Variants in PDGFD observed in about 807,000 individuals in gnomAD.
PDGFD encodes platelet derived growth factor D.
PDGFD carries 30 observed loss-of-function variants against 44.7 expected under a neutral mutation model. That is an observed-to-expected ratio of 0.67 (90% CI 0.50 to 0.91). PDGFD has a LOEUF of 0.91. Ranked by LOEUF, PDGFD falls within the 40% of genes least tolerant of loss-of-function variation. The pLI, the probability that PDGFD is intolerant of heterozygous loss-of-function variation, is 0.00. For missense variants in PDGFD, 445 were observed against 457.8 expected (o/e 0.97, Z 0.25); for synonymous variants, 173 against 168.4 (o/e 1.03, Z -0.21).
intron 1 of PDGFD, among the ~76,000 whole-genome samples, chr11:104,153,888 G>A (rs553772913): frequency 6.6e-6 from 1 of 152,154 alleles, no homozygotes; most frequent in Admixed American, 6.6e-5. Flanking sequence ...GAGAAGCAGT[G>A]AGAAAAGTGA....
intron 6 of PDGFD, among the ~76,000 whole-genome samples, chr11:103,913,060 T>C (rs1007877601): frequency 6.6e-6 from 1 of 152,032 alleles, no homozygotes; most frequent in African/African-American, 2.4e-5. Context: ...ATAGACACTT[T>C]AACACCCCAC....
intron 1 of PDGFD, among the ~76,000 whole-genome samples, chr11:104,126,785 T>C (rs1003034632): frequency 2.0e-5 from 3 of 152,008 alleles, no homozygotes; most frequent in African/African-American, 7.3e-5. Flanking sequence ...CTTTCCTATA[T>C]AGCAGCATAT....
At chr11:104,062,540 A>G (rs942920676) in intron 1 of PDGFD, among the ~76,000 whole-genome samples, 4 of 152,234 alleles carry the variant, frequency 2.6e-5, no homozygotes, top group African/African-American at 2.4e-5. Flanking sequence ...ATGGCAGCTC[A>G]ATACCTCAGA....
chr11:104,114,999 C>T (rs1188597122), intron 1 of PDGFD, among the ~76,000 whole-genome samples: 4 of 151,294 alleles, frequency 2.6e-5, no homozygotes, highest in Admixed American at 6.6e-5. Context: ...TCCCCTCACC[C>T]GAGCAGTATA....
intron 1 of PDGFD, among the ~76,000 whole-genome samples, chr11:104,086,111 A>T (rs1009711212): frequency 5.3e-5 from 8 of 152,156 alleles, no homozygotes; most frequent in Non-Finnish European, 1.2e-4. Context: ...GTGACAGCAA[A>T]AGAGGTCTCC....
chr11:103,917,238 C>A (rs953050514), intron 6 of PDGFD, among the ~76,000 whole-genome samples: 1 of 152,010 alleles, frequency 6.6e-6, no homozygotes, highest in African/African-American at 2.4e-5. Flanking sequence ...TATATTAATA[C>A]CTGTGTATCA....
chr11:104,071,039 C>A (rs1028263175), intron 1 of PDGFD, among the ~76,000 whole-genome samples: 1 of 151,950 alleles, frequency 6.6e-6, no homozygotes, highest in Non-Finnish European at 1.5e-5. Context: ...TCCCTCACTG[C>A]CTCACTAGGG....
At chr11:104,037,141 T>TCC in intron 1 of PDGFD, 1 of 1,613,816 alleles carries the variant, frequency 6.2e-7, no homozygotes, top group African/African-American at 1.3e-5. Context: ...GACGTCCAGC[T>TCC]CCCGTCCACA....
intron 1 of PDGFD, among the ~76,000 whole-genome samples, chr11:104,158,044 A>G (rs1046888258): frequency 6.6e-6 from 1 of 152,230 alleles, no homozygotes; most frequent in African/African-American, 2.4e-5. Flanking sequence ...CTTCAGCCTC[A>G]GTTCAGACAC....
chr11:104,056,518 C>T (rs923185822), intron 1 of PDGFD, among the ~76,000 whole-genome samples: 4 of 151,880 alleles, frequency 2.6e-5, no homozygotes, highest in Non-Finnish European at 2.9e-5. Flanking sequence ...AGAGACACAA[C>T]GGAGAAGGCC....
intron 1 of PDGFD, among the ~76,000 whole-genome samples, chr11:104,028,191 G>GAA (rs36060540): frequency 1.7e-5 from 2 of 116,150 alleles, no homozygotes; most frequent in South Asian, 2.7e-4. Flanking sequence ...CTCCGTCAAA[G>GAA]AAAAAAAAAA....
chr11:104,016,609 A>G lies in PDGFD; in HGVS notation c.125-16354T>C, dbSNP rs548158766. On this transcript the variant is annotated intron_variant, in intron 1 of 6. Coordinates refer to ENST00000393158, the MANE Select transcript of PDGFD (RefSeq NM_025208.5). ...GGGCAAGAGAGAAGTTGGAGTGGCA[A>G]ACAATGAGCAGTAATTAGCAACTAC... Among the ~76,000 whole-genome samples, 688 of 152,330 alleles carry G rather than the reference A, an allele frequency of 4.5e-3. 5 individuals are homozygous for G. Among genetic ancestry groups the G allele is most frequent in the African/African-American group, 0.016 (648 of 41,582 alleles).
chr11:104,160,501 C>T (rs1862372983), intron 1 of PDGFD, among the ~76,000 whole-genome samples: 1 of 152,202 alleles, frequency 6.6e-6, no homozygotes, highest in Admixed American at 6.5e-5. Flanking sequence ...AAAGCACCAA[C>T]TGTGTAGGCA....
At chr11:103,929,639 G>A (rs1013467683) in intron 5 of PDGFD, among the ~76,000 whole-genome samples, 2 of 152,192 alleles carry the variant, frequency 1.3e-5, no homozygotes, top group African/African-American at 4.8e-5. Flanking sequence ...TGTGACTGCT[G>A]TAGAATCCAC....
rs34656428 is a variant in PDGFD at position 104,126,853 on chromosome 11, G to GAA, written c.124+36949_124+36950dup. 7.4e-3 allele frequency among the ~76,000 whole-genome samples: 1,114 copies of GAA among 151,038 alleles called. 11 individuals carry two copies. The highest frequency in any genetic ancestry group is 0.024 in the African/African-American group (994 of 41,126). On this transcript the variant is annotated intron_variant, in intron 1 of 6. Transcript: ENST00000393158. ...AATAGATGGAAAGCACTCCAATTTA[G>GAA]AAAAAAAAATCCTTTACAAGCGATG...
intron 3 of PDGFD, among the ~76,000 whole-genome samples, chr11:103,967,393 T>C (rs1251586388): frequency 6.6e-6 from 1 of 152,206 alleles, no homozygotes; most frequent in Non-Finnish European, 1.5e-5. Flanking sequence ...CCTTCTTATG[T>C]ACCCCAACTT....
chr11:103,946,327 C>G (rs1318174616), intron 4 of PDGFD: 1 of 152,226 alleles, frequency 6.6e-6, no homozygotes, highest in Non-Finnish European at 1.5e-5. Context: ...AGCACCTAGA[C>G]TTGAAACTCA....
intron 4 of PDGFD, among the ~76,000 whole-genome samples, chr11:103,946,865 T>C (rs1858674918): frequency 6.6e-6 from 1 of 152,118 alleles, no homozygotes; most frequent in South Asian, 2.1e-4. Flanking sequence ...ATGAAAGAGT[T>C]TTTAAAAAAT....
chr11:104,100,420 G>C (rs1050632821), intron 1 of PDGFD, among the ~76,000 whole-genome samples: 1 of 152,166 alleles, frequency 6.6e-6, no homozygotes, highest in Non-Finnish European at 1.5e-5. Context: ...CCAGGAAGAA[G>C]TTGAATCTCT....
Sources: gnomAD v4.1 joint callset for allele counts (sites outside exome capture counted in the v4.1 genomes callset) on GRCh38, gnomAD v4.1.1 for gene constraint, MANE v1.5 for transcripts, NCBI Gene and HGNC (gene_info 2026-07-23, HGNC 2026-07-21) for gene names.